Variants in ANXA6 observed in about 807,000 individuals in gnomAD.
ANXA6 encodes 67 kDa calelectrin.
ANXA6 carries 71 observed loss-of-function variants against 95.4 expected under a neutral mutation model. The observed-to-expected ratio is 0.74, with a 90% CI of 0.61 to 0.91. ANXA6 has a LOEUF of 0.91. Among genes scored for constraint, ANXA6 ranks in the 40% least tolerant of loss-of-function variants. The pLI, the probability that ANXA6 is intolerant of heterozygous loss-of-function variation, is 0.00. For synonymous variants in ANXA6, 289 were observed against 315.9 expected, an observed-to-expected ratio of 0.91 and a Z score of 0.90; for missense variants, 830 against 876.4, an observed-to-expected ratio of 0.95 and a Z score of 0.67.
chr5:151,119,973 A>G (rs1003258857), intron 17 of ANXA6, among the ~76,000 whole-genome samples: 3 of 152,100 alleles, frequency 2.0e-5, no homozygotes, highest in African/African-American at 7.2e-5. Context: ...TCCGCCTCCC[A>G]GACTCAGGTG....
At chr5:151,120,582 G>A (rs1581990697) in intron 17 of ANXA6, among the ~76,000 whole-genome samples, 1 of 152,118 alleles carries the variant, frequency 6.6e-6, no homozygotes, top group East Asian at 1.9e-4. Flanking sequence ...AGCTGGTCGT[G>A]GTGGCGTGCG....
At chr5:151,134,585 G>T in intron 7 of ANXA6, 102 bp from the exon 8 acceptor site, 1 of 1,169,044 alleles carries the variant, frequency 8.6e-7, no homozygotes. Context: ...AACCCTGGTG[G>T]CCCAGATGTG....
rs759212468 is a variant in ANXA6, at chr5:151,140,227, C to A, written c.35G>T (p.Gly12Val). The change falls in exon 3 of 26, where the codon GGC becomes GTC. Residue 12 changes from glycine to valine, a missense_variant. Gly to Val is a moderately radical substitution (Grantham distance 109). Coordinates refer to ENST00000354546, the MANE Select transcript of ANXA6 (RefSeq NM_001155.5). ...AKPAQGAKYR[G>V]SIHDFPGFDP... ...AAAGCCTGGGAAGTCATGGATGGAG[C>A]CCCGGTACTTGGCACCCTGTGGAGA... is the stretch of plus-strand genomic sequence containing the variant. 6.2e-6 allele frequency: 10 copies of A among 1,613,748 alleles called. No individual in the cohort carries two copies. The highest frequency in any genetic ancestry group is 7.6e-6 in the Non-Finnish European group (9 of 1,179,844).
intron 13 of ANXA6, 127 bp downstream of exon 13, chr5:151,128,054 G>A (rs1189397896): frequency 3.7e-6 from 3 of 804,418 alleles, no homozygotes; most frequent in Non-Finnish European, 6.2e-6. Context: ...CCTTTCACTT[G>A]TGCGACGCTC....
intron 11 of ANXA6, 65 bp downstream of exon 11, chr5:151,131,166 G>A (rs1765500016): frequency 6.4e-7 from 1 of 1,554,768 alleles, no homozygotes; most frequent in African/African-American, 1.4e-5. Flanking sequence ...TGGATCCCAA[G>A]GACTTGTCAA....
intron 2 of ANXA6, chr5:151,141,523 C>T (rs776647136): frequency 6.7e-5 from 66 of 985,510 alleles, no homozygotes; most frequent in Middle Eastern, 5.2e-4. Context: ...GTGGGCCACA[C>T]AGATCTTGCC....
chr5:151,103,759 A>C (rs1173972852), intron 24 of ANXA6, 67 bp from the exon 25 acceptor site: 16 of 1,518,514 alleles, frequency 1.1e-5, no homozygotes, highest in Non-Finnish European at 1.4e-5. Flanking sequence ...GGCAAGAAAC[A>C]GTGGTATCCC....
chr5:151,114,883 A>G (rs1344566975), intron 20 of ANXA6, among the ~76,000 whole-genome samples: 1 of 152,192 alleles, frequency 6.6e-6, no homozygotes, highest in Non-Finnish European at 1.5e-5. Flanking sequence ...CCAGGGAGGC[A>G]GTGTAAAACA....
At chr5:151,105,106 AG>A in intron 24 of ANXA6, 138 bp downstream of exon 24, 3 of 821,954 alleles carry the variant, frequency 3.6e-6, no homozygotes, top group Non-Finnish European at 6.1e-6. Flanking sequence ...GAGCCAGACA[AG>A]GGCAGATGCT....
intron 20 of ANXA6, among the ~76,000 whole-genome samples, chr5:151,114,649 T>G (rs1336848620): frequency 8.2e-6 from 1 of 121,840 alleles, no homozygotes; most frequent in Non-Finnish European, 1.8e-5. Context: ...AAAAAAAGTC[T>G]GAGTATTGAT....
chr5:151,126,804 C>A (rs1765336845), intron 13 of ANXA6, among the ~76,000 whole-genome samples: 2 of 152,176 alleles, frequency 1.3e-5, no homozygotes, highest in Non-Finnish European at 2.9e-5. Flanking sequence ...GCAACCTCTG[C>A]CTCCCAGGTT....
At position 151,101,395 on chromosome 5, in the gene ANXA6, C is replaced by A. The variant is rs1168577257; in HGVS notation, c.*53G>T. 2 of 1,321,438 alleles carry A rather than the reference C, an allele frequency of 1.5e-6. No homozygotes were observed. Among genetic ancestry groups the A allele is most frequent in the South Asian group, 1.2e-5 (1 of 80,802 alleles). 81.9% of individuals were successfully genotyped at this position (1,321,438 alleles called of 1,614,324 possible). A position where few individuals can be genotyped will look rare whatever the true frequency, so the allele number is the denominator to read the frequency against. On this transcript the variant is annotated 3_prime_UTR_variant, in exon 26 of 26. Coordinates refer to ENST00000354546, the MANE Select transcript of ANXA6 (RefSeq NM_001155.5). ...CTGGAACAATCAGGCTTGGCCATGG[C>A]GGCTGGTGCTGATAACCATTTCTTG...
intron 2 of ANXA6, chr5:151,141,459 G>C: frequency 1.1e-6 from 1 of 950,364 alleles, no homozygotes; most frequent in Non-Finnish European, 1.3e-6. Flanking sequence ...AAACAGCAGA[G>C]GCTGATCCAG....
chr5:151,122,181 T>A lies in ANXA6; in HGVS notation c.1313A>T (p.His438Leu). Reference sequence around the variant, plus strand: ...CTTCTTCAACTGCTTGGCATCGTAATGGGCCGGTGGCATCATGAGCCCCAG... The same window carrying A: ...CTTCTTCAACTGCTTGGCATCGTAAAGGGCCGGTGGCATCATGAGCCCCAG... Reference protein sequence around the residue: ...LILGLMMPPAHYDAKQLKKAM... With the variant: ...LILGLMMPPALYDAKQLKKAM... Residue 438 changes from histidine to leucine, a missense_variant, in exon 17 of 26, where the codon CAT becomes CTT. His to Leu is a moderately conservative substitution (Grantham distance 99). Coordinates refer to ENST00000354546, the MANE Select transcript of ANXA6 (RefSeq NM_001155.5). 1 of 1,599,174 alleles carries A rather than the reference T, an allele frequency of 6.3e-7. No homozygotes were observed. The highest frequency in any genetic ancestry group is 8.5e-7 in the Non-Finnish European group (1 of 1,174,992).
chr5:151,126,889 G>A (rs1323494041), intron 13 of ANXA6, among the ~76,000 whole-genome samples: 1 of 152,130 alleles, frequency 6.6e-6, no homozygotes, highest in Non-Finnish European at 1.5e-5. Flanking sequence ...GCTAATTCTT[G>A]TATTTTTAGT....
chr5:151,102,656 A>T (rs558030350), intron 25 of ANXA6, among the ~76,000 whole-genome samples: 1 of 152,276 alleles, frequency 6.6e-6, no homozygotes, highest in East Asian at 1.9e-4. Context: ...GTGAGATGAG[A>T]TGGCACTGCT....
At chr5:151,112,582 A>C (rs1236730946) in intron 20 of ANXA6, among the ~76,000 whole-genome samples, 4 of 152,270 alleles carry the variant, frequency 2.6e-5, no homozygotes, top group Non-Finnish European at 5.9e-5. Context: ...CTGTAATCCC[A>C]GGACATTGGG....
Position 151,117,765 on chromosome 5 carries a change from A to G in ANXA6, c.1511T>C (p.Leu504Pro), listed in dbSNP as rs1693346358. 1 of 1,613,442 alleles carries G rather than the reference A, an allele frequency of 6.2e-7. No homozygotes were observed. The highest frequency in any genetic ancestry group is 8.5e-7 in the Non-Finnish European group (1 of 1,179,638). Residue 504 changes from leucine to proline, a missense_variant, in exon 19 of 26, where the codon CTG becomes CCG. Leu to Pro is a moderately conservative substitution (Grantham distance 98). Transcript: ENST00000354546. ...SGHFRRILIS[L>P]ATGHREEGGE... ...GCCCATGAATTCACTCACCGTGGCC[A>G]GAGAAATGAGGATCCTCCTGAAGTG... is the stretch of plus-strand genomic sequence containing the variant.
chr5:151,103,451 C>G, intron 25 of ANXA6, 119 bp downstream of exon 25: 1 of 910,476 alleles, frequency 1.1e-6, no homozygotes, highest in South Asian at 2.2e-5. Flanking sequence ...ATTTCAATAT[C>G]CTGGCTGTTC....
Sources: gnomAD v4.1 joint callset for allele counts (sites outside exome capture counted in the v4.1 genomes callset) on GRCh38, gnomAD v4.1.1 for gene constraint, MANE v1.5 for transcripts, NCBI Gene and HGNC (gene_info 2026-07-23, HGNC 2026-07-21) for gene names.